SDK1: variants seen among roughly 807,000 people sequenced by gnomAD.
The protein encoded by SDK1 is protein sidekick-1.
A neutral mutation model predicts 245.5 loss-of-function variants in SDK1; 157 were observed. The ratio of observed to expected loss-of-function variants is 0.64; its 90% CI spans 0.56 to 0.73. The LOEUF (loss-of-function observed/expected upper bound fraction) is 0.73. Among genes scored for constraint, SDK1 ranks in the 30% least tolerant of loss-of-function variants. The probability of loss-of-function intolerance (pLI) is 0.00; values close to 1 mark genes in which losing one functional copy is unlikely to be tolerated. For missense variants in SDK1, 3,583 were observed against 3,002.3 expected, an observed-to-expected ratio of 1.19 and a Z score of -4.52; for synonymous variants, 1,647 against 1,278.5, an observed-to-expected ratio of 1.29 and a Z score of -6.15.
intron 1 of SDK1, among the ~76,000 whole-genome samples, chr7:3,387,524 A>G (rs1259472936): frequency 1.3e-5 from 2 of 152,212 alleles, no homozygotes; most frequent in African/African-American, 4.8e-5. Context: ...TAAGAGCTGC[A>G]TATGCCAATC....
At chr7:4,113,848 CT>C (rs1783513844) in intron 24 of SDK1, among the ~76,000 whole-genome samples, 188 bp from the exon 25 acceptor site, 1 of 152,228 alleles carries the variant, frequency 6.6e-6, no homozygotes, top group South Asian at 2.1e-4. Flanking sequence ...GCCAAAGTTA[CT>C]GACAGGGTTT....
At chr7:3,574,233 C>T (rs1780213612) in intron 1 of SDK1, among the ~76,000 whole-genome samples, 1 of 151,868 alleles carries the variant, frequency 6.6e-6, no homozygotes, top group South Asian at 2.1e-4. Flanking sequence ...TCTCCTGTCT[C>T]AGCCTCCCGA....
chr7:3,429,773 T>G (rs552932578), intron 1 of SDK1, among the ~76,000 whole-genome samples: 47 of 151,844 alleles, frequency 3.1e-4, no homozygotes, highest in African/African-American at 1.1e-3. Context: ...TTTTTTTTTT[T>G]GTAGAGACAG....
At chr7:3,355,231 A>C (rs1780759337) in intron 1 of SDK1, among the ~76,000 whole-genome samples, 1 of 152,248 alleles carries the variant, frequency 6.6e-6, no homozygotes, top group East Asian at 1.9e-4. Flanking sequence ...TAAAATATAA[A>C]TGCGTCATTC....
chr7:4,115,559 G>C (rs10267072), intron 25 of SDK1, among the ~76,000 whole-genome samples: 8,075 of 152,284 alleles, frequency 0.053, 712 homozygotes, highest in African/African-American at 0.18. Context: ...TGCTGTCGTA[G>C]ACATGGCTCT....
At chr7:4,104,503 C>T (rs2128188439) in intron 22 of SDK1, among the ~76,000 whole-genome samples, 1 of 152,334 alleles carries the variant, frequency 6.6e-6, no homozygotes, top group African/African-American at 2.4e-5. Flanking sequence ...AGCCAGAGGT[C>T]ACGGTTATAT....
At position 3,484,636 on chromosome 7, in the gene SDK1, T is replaced by TA. The variant is rs1781620135; in HGVS notation, c.299-134442dup. Among the ~76,000 whole-genome samples the TA allele has an allele frequency of 5.3e-5, 8 of 152,318 alleles. No individual in the cohort carries two copies. The South Asian group carries it at 1.7e-3, about 32-fold the overall frequency. On this transcript the variant is annotated intron_variant, in intron 1 of 44. Coordinates refer to ENST00000404826, the MANE Select transcript of SDK1 (RefSeq NM_152744.4). The stretch of plus-strand genomic sequence containing the variant: ...TCCTCTAACTGTGGTTTTGTATCCA[T>TA]AACCAACCTCGCCTCACACTTTCCT...
At chr7:3,673,276 G>A (rs1225386127) in intron 4 of SDK1, among the ~76,000 whole-genome samples, 2 of 152,154 alleles carry the variant, frequency 1.3e-5, no homozygotes, top group Admixed American at 6.5e-5. Flanking sequence ...AATCCCATGG[G>A]GGCGGTTCAT....
chr7:3,511,162 C>G (rs1782566968), intron 1 of SDK1, among the ~76,000 whole-genome samples: 1 of 152,188 alleles, frequency 6.6e-6, no homozygotes, highest in South Asian at 2.1e-4. Flanking sequence ...CCATGTTACA[C>G]TTGTTTCTGC....
rs142104605 is a variant in SDK1, at chr7:3,842,541, T to C, written c.847+20958T>C. On this transcript the variant is annotated intron_variant, in intron 5 of 44. Coordinates refer to ENST00000404826, the MANE Select transcript of SDK1 (RefSeq NM_152744.4). ...GACCACGAGGTGCCTGGGTTGCTGC[T>C]ATACAGTGGAGCAGAAGAAATCTGT... is the stretch of plus-strand genomic sequence containing the variant. Among the ~76,000 whole-genome samples the C allele has an allele frequency of 2.4e-3, 367 of 152,222 alleles. 2 individuals are homozygous for C. Among genetic ancestry groups the C allele is most frequent in the African/African-American group, 8.5e-3 (353 of 41,536 alleles).
At chr7:3,793,493 C>A (rs1366970216) in intron 4 of SDK1, among the ~76,000 whole-genome samples, 1 of 152,116 alleles carries the variant, frequency 6.6e-6, no homozygotes, top group Non-Finnish European at 1.5e-5. Context: ...TTCCTCGTGC[C>A]TTAGATAGTC....
chr7:3,415,382 A>G (rs1412260556), intron 1 of SDK1, among the ~76,000 whole-genome samples: 1 of 152,158 alleles, frequency 6.6e-6, no homozygotes, highest in Non-Finnish European at 1.5e-5. Flanking sequence ...AGAAGTGTGT[A>G]GAGAAGTTAT....
At chr7:3,646,051 G>A (rs1191259710) in intron 4 of SDK1, among the ~76,000 whole-genome samples, 2 of 152,074 alleles carry the variant, frequency 1.3e-5, no homozygotes, top group African/African-American at 2.4e-5. Context: ...TAGAGATGGG[G>A]TTTCACCATG....
rs73296337 is a variant in SDK1, at chr7:3,387,361, G to C, written c.298+85477G>C. On this transcript the variant is annotated intron_variant, in intron 1 of 44. Transcript: ENST00000404826. ...TCTCCTCAAAGTCCAGAGGTGGGCT[G>C]TCTTCTCCCACCTCCTTGTAGGAGC... Among the ~76,000 whole-genome samples the C allele has an allele frequency of 9.0e-3, 1,365 of 152,254 alleles. 28 individuals are homozygous for C. The highest frequency in any genetic ancestry group is 0.031 in the African/African-American group (1,290 of 41,534).
chr7:3,490,360 G>C (rs1781830627), intron 1 of SDK1, among the ~76,000 whole-genome samples: 2 of 152,128 alleles, frequency 1.3e-5, no homozygotes, highest in African/African-American at 2.4e-5. Context: ...GGATTGCTTT[G>C]TTACTTTTGA....
intron 1 of SDK1, among the ~76,000 whole-genome samples, chr7:3,513,693 G>C (rs1257333275): frequency 6.6e-6 from 1 of 152,134 alleles, no homozygotes; most frequent in Non-Finnish European, 1.5e-5. Flanking sequence ...ATGTGGGTCT[G>C]TTGCGTGATC....
intron 17 of SDK1, among the ~76,000 whole-genome samples, chr7:4,023,613 G>A (rs559523979): frequency 1.3e-5 from 2 of 152,288 alleles, no homozygotes; most frequent in East Asian, 1.9e-4. Flanking sequence ...AGTGTAAGTT[G>A]TGTATAACCG....
intron 1 of SDK1, among the ~76,000 whole-genome samples, chr7:3,512,511 G>A (rs993132369): frequency 5.9e-5 from 9 of 151,992 alleles, no homozygotes; most frequent in African/African-American, 2.2e-4. Flanking sequence ...GTACGGGTAT[G>A]TTTCGTTTTG....
At chr7:4,238,359 C>T (rs999645805) in intron 42 of SDK1, among the ~76,000 whole-genome samples, 3 of 151,758 alleles carry the variant, frequency 2.0e-5, no homozygotes, top group African/African-American at 7.3e-5. Flanking sequence ...GGATTACAGA[C>T]GTGAGCCACG....
Sources: allele counts gnomAD v4.1 joint callset (sites outside exome capture counted in the v4.1 genomes callset), GRCh38; gene constraint gnomAD v4.1.1; transcripts MANE v1.5; gene names NCBI Gene and HGNC (gene_info 2026-07-23, HGNC 2026-07-21).